GRIN2B: variants seen among roughly 807,000 people sequenced by gnomAD.
GRIN2B encodes the protein glutamate receptor ionotropic, NMDA 2B.
A neutral mutation model predicts 114.5 loss-of-function variants in GRIN2B; 5 were observed. That is an observed-to-expected ratio of 0.04 (90% CI 0.02 to 0.09). GRIN2B has a LOEUF of 0.09. Among genes scored for constraint, GRIN2B ranks in the 10% least tolerant of loss-of-function variants. The pLI is 1.00. For synonymous variants in GRIN2B, 787 were observed against 745.1 expected, an observed-to-expected ratio of 1.06 and a Z score of -0.92; for missense variants, 1,108 against 1,943.5, an observed-to-expected ratio of 0.57 and a Z score of 8.08.
At chr12:13,597,512 T>A (rs1053408919) in intron 10 of GRIN2B, among the ~76,000 whole-genome samples, 19 of 152,186 alleles carry the variant, frequency 1.2e-4, no homozygotes, top group African/African-American at 4.6e-4. Context: ...CATCCCTTTA[T>A]CTGCATAGGG....
chr12:13,786,744 T>C (rs1864229349), intron 3 of GRIN2B, among the ~76,000 whole-genome samples: 1 of 151,990 alleles, frequency 6.6e-6, no homozygotes, highest in African/African-American at 2.4e-5. Flanking sequence ...AGCTTGGAAA[T>C]AGCTCTTTTA....
In GRIN2B at chr12:13,547,981, A is replaced by ATATATATATATTTTT; in HGVS notation, c.*14801_*14802insAAAAATATATATATA. ...TGTGTATATATATATATATATATAT[A>ATATATATATATTTTT]TTTTTTTTTTTTTTCTGAAAGCTAC... On this transcript the variant is annotated 3_prime_UTR_variant, in exon 14 of 14. Coordinates refer to ENST00000609686, the MANE Select transcript of GRIN2B (RefSeq NM_000834.5). 5 of 68,572 alleles carry ATATATATATATTTTT rather than the reference A, an allele frequency of 7.3e-5. No homozygotes were observed. The highest frequency in any genetic ancestry group is 1.4e-4 in the African/African-American group (3 of 21,782). 4.2% of individuals were successfully genotyped at this position (68,572 alleles called of 1,614,324 possible).
intron 2 of GRIN2B, among the ~76,000 whole-genome samples, chr12:13,877,535 T>C (rs1866008298): frequency 6.6e-6 from 1 of 152,222 alleles, no homozygotes. Flanking sequence ...AGCTTTACTC[T>C]TTAGTTGTTC....
intron 3 of GRIN2B, among the ~76,000 whole-genome samples, chr12:13,865,199 AG>A (rs1377802368): frequency 1.2e-4 from 18 of 152,230 alleles, no homozygotes. Flanking sequence ...ACCTATTTGA[AG>A]AAAAGGTATC....
chr12:13,613,198 T>G (rs577726028), intron 8 of GRIN2B, among the ~76,000 whole-genome samples: 32 of 152,338 alleles, frequency 2.1e-4, no homozygotes, highest in African/African-American at 7.7e-4. Context: ...TCTAATTGAT[T>G]GCAATTCTAC....
chr12:13,900,572 C>T (rs1041538433), intron 2 of GRIN2B, among the ~76,000 whole-genome samples: 7 of 152,086 alleles, frequency 4.6e-5, no homozygotes, highest in African/African-American at 1.4e-4. Flanking sequence ...AATCCATAAG[C>T]GTCCAAAAAT....
intron 2 of GRIN2B, among the ~76,000 whole-genome samples, chr12:13,941,165 A>G (rs2136835879): frequency 6.6e-6 from 1 of 152,302 alleles, no homozygotes; most frequent in Middle Eastern, 3.4e-3. Flanking sequence ...GAGCTGGGCC[A>G]GTTACCAAGA....
At chr12:13,829,786 T>C (rs546104759) in intron 3 of GRIN2B, among the ~76,000 whole-genome samples, 19 of 152,282 alleles carry the variant, frequency 1.2e-4, no homozygotes, top group South Asian at 1.0e-3. Flanking sequence ...GAGAGAAGGA[T>C]AGAAAGATGA....
intron 3 of GRIN2B, among the ~76,000 whole-genome samples, chr12:13,856,828 C>T (rs144535227): frequency 1.4e-3 from 209 of 152,234 alleles, no homozygotes; most frequent in African/African-American, 4.8e-3. Context: ...CCTGTCCCCG[C>T]AAATAAGGCT....
At chr12:13,704,505 C>A (rs1436893643) in intron 4 of GRIN2B, among the ~76,000 whole-genome samples, 1 of 152,078 alleles carries the variant, frequency 6.6e-6, no homozygotes, top group African/African-American at 2.4e-5. Flanking sequence ...GAAATAACAC[C>A]CACAGCATTA....
chr12:13,959,332 G>A (rs531808167), intron 2 of GRIN2B, among the ~76,000 whole-genome samples: 6 of 152,308 alleles, frequency 3.9e-5, no homozygotes, highest in African/African-American at 7.2e-5. Flanking sequence ...GCAGGCAGCC[G>A]CCAGGGTGGG....
intron 2 of GRIN2B, among the ~76,000 whole-genome samples, chr12:13,908,384 G>C (rs1331872950): frequency 6.6e-6 from 1 of 152,156 alleles, no homozygotes; most frequent in African/African-American, 2.4e-5. Flanking sequence ...TAAGAGCATG[G>C]TTAGCTGATG....
rs146028538 is a variant in GRIN2B at position 13,770,610 on chromosome 12, C to T, written c.412-16695G>A. 5.2e-4 allele frequency among the ~76,000 whole-genome samples: 79 copies of T among 152,258 alleles called. 1 individual carries two copies. The East Asian group carries it at 0.015, about 28-fold the overall frequency. ...TTAGCCCTTGGTATTAGCGTCTCAACACAAGCCACAAAGAGAGTTAGATAT... is the reference window on the plus strand; with the variant it reads ...TTAGCCCTTGGTATTAGCGTCTCAATACAAGCCACAAAGAGAGTTAGATAT... On this transcript the variant is annotated intron_variant, in intron 3 of 13. Coordinates refer to ENST00000609686, the MANE Select transcript of GRIN2B (RefSeq NM_000834.5).
At chr12:13,863,592 G>A (rs1185838497) in intron 3 of GRIN2B, among the ~76,000 whole-genome samples, 2 of 152,186 alleles carry the variant, frequency 1.3e-5, no homozygotes, top group Admixed American at 1.3e-4. Flanking sequence ...CTGGTTAAGA[G>A]TATTAAATAA....
At chr12:13,694,673 AT>A (rs1429408450) in intron 4 of GRIN2B, among the ~76,000 whole-genome samples, 1 of 89,340 alleles carries the variant, frequency 1.1e-5, no homozygotes, top group Non-Finnish European at 2.5e-5. Flanking sequence ...ATATATATAT[AT>A]ATATATATAT....
intron 10 of GRIN2B, among the ~76,000 whole-genome samples, chr12:13,580,029 G>A (rs1483544549): frequency 1.3e-5 from 2 of 152,200 alleles, no homozygotes; most frequent in Admixed American, 1.3e-4. Context: ...AAACATACTT[G>A]TTGAGAAGTC....
chr12:13,850,437 C>T (rs1022122732), intron 3 of GRIN2B, among the ~76,000 whole-genome samples: 6 of 152,186 alleles, frequency 3.9e-5, no homozygotes, highest in African/African-American at 7.2e-5. Context: ...CAGGTTCACT[C>T]TCAACCAGAG....
chr12:13,922,497 C>T (rs746652524), intron 2 of GRIN2B, among the ~76,000 whole-genome samples: 3 of 152,118 alleles, frequency 2.0e-5, no homozygotes, highest in African/African-American at 4.8e-5. Context: ...TACAGCAGCG[C>T]ATGAAATTTC....
chr12:13,602,143 C>T (rs1949169533), intron 10 of GRIN2B, among the ~76,000 whole-genome samples: 1 of 152,270 alleles, frequency 6.6e-6, no homozygotes, highest in Non-Finnish European at 1.5e-5. Context: ...GTGTCCTCCC[C>T]CCTCTCATGT....
Sources: allele counts gnomAD v4.1 joint callset (sites outside exome capture counted in the v4.1 genomes callset), GRCh38; gene constraint gnomAD v4.1.1; transcripts MANE v1.5; gene names NCBI Gene and HGNC (gene_info 2026-07-23, HGNC 2026-07-21).